The following CCDC112 variants were observed in gnomAD, a reference collection of about 807,000 sequenced individuals.
CCDC112 encodes the protein coiled-coil domain-containing protein 112.
CCDC112 carries 40 observed loss-of-function variants against 66.3 expected under a neutral mutation model. That is an observed-to-expected ratio of 0.60 (90% CI 0.47 to 0.79). The LOEUF is 0.79. CCDC112 is among the 30% of genes least tolerant of loss of function. The pLI is 0.00. For missense variants in CCDC112, 659 were observed against 603.8 expected (o/e 1.09, Z -0.96); for synonymous variants, 214 against 197.2 (o/e 1.09, Z -0.71).
intron 6 of CCDC112, among the ~76,000 whole-genome samples, chr5:115,272,520 T>C (rs1321757791): frequency 6.6e-6 from 1 of 152,218 alleles, no homozygotes; most frequent in Non-Finnish European, 1.5e-5. Flanking sequence ...AGTGTTGTTA[T>C]GAAGATTAAA....
At chr5:115,270,792 T>C (rs903676835) in intron 7 of CCDC112, among the ~76,000 whole-genome samples, 26 of 152,306 alleles carry the variant, frequency 1.7e-4, no homozygotes, top group African/African-American at 6.3e-4. Context: ...AATACTGAAG[T>C]GTTAATAGTC....
intron 8 of CCDC112, 93 bp downstream of exon 8, chr5:115,269,610 G>A: frequency 1.2e-6 from 1 of 818,932 alleles, no homozygotes. Flanking sequence ...ATAGAAATAA[G>A]GTGAGATATA....
chr5:115,283,406 T>C (rs1015880427), intron 2 of CCDC112, among the ~76,000 whole-genome samples: 1 of 152,136 alleles, frequency 6.6e-6, no homozygotes, highest in Non-Finnish European at 1.5e-5. Flanking sequence ...GTATGGCTTA[T>C]TTCACTTAAC....
chr5:115,271,759 G>T, intron 6 of CCDC112, 133 bp from the exon 7 acceptor site: 2 of 619,618 alleles, frequency 3.2e-6, no homozygotes, highest in Non-Finnish European at 5.0e-6. Context: ...AGGTTTTTCA[G>T]CTTTGTTTTA....
chr5:115,276,058 G>C lies in CCDC112; in HGVS notation c.463C>G (p.Leu155Val). The change falls in exon 5 of 10, where the codon CTC becomes GTC. Residue 155 changes from leucine to valine, a missense_variant. Physicochemically the swap from Leu to Val is conservative, Grantham distance 32 (BLOSUM62 1). Coordinates refer to ENST00000379611, the MANE Select transcript of CCDC112 (RefSeq NM_001040440.3). ...VKPTPDFVEK[L>V]REMMEEIENA... ...TCAATTTCTTCCATCATTTCTCTGA[G>C]CTTCTCAACAACTGTAAAAGAAACA... 6.2e-7 allele frequency: 1 copy of C among 1,603,348 alleles called. No homozygotes were observed. The highest frequency in any genetic ancestry group is 8.5e-7 in the Non-Finnish European group (1 of 1,174,870).
intron 1 of CCDC112, among the ~76,000 whole-genome samples, chr5:115,292,077 T>C (rs990542501): frequency 2.5e-4 from 38 of 152,198 alleles, no homozygotes; most frequent in African/African-American, 9.2e-4. Flanking sequence ...TCTTCAAATA[T>C]CGGTTTTCCT....
intron 1 of CCDC112, among the ~76,000 whole-genome samples, chr5:115,292,000 G>C (rs781743183): frequency 2.0e-5 from 3 of 152,136 alleles, no homozygotes; most frequent in Non-Finnish European, 4.4e-5. Context: ...ATTCTACTTA[G>C]AGTTCATTGA....
chr5:115,285,851 C>T (rs930415615), intron 1 of CCDC112, among the ~76,000 whole-genome samples: 1 of 151,942 alleles, frequency 6.6e-6, no homozygotes, highest in Admixed American at 6.6e-5. Flanking sequence ...CAAGGAATGA[C>T]AGTGTCCAGG....
Position 115,271,275 on chromosome 5 carries a change from T to G in CCDC112, c.1270A>C (p.Lys424Gln). The change falls in exon 7 of 10, where the codon AAG becomes CAG. Residue 424 changes from lysine to glutamine, a missense_variant. Transcript: ENST00000379611. Reference protein sequence around the residue: ...FLRLEKEIREKAEKAEKRKNA... With the variant: ...FLRLEKEIREQAEKAEKRKNA... ...TTCCTTTTTTCTGCCTTTTCTGCCT[T>G]TTCCCTTATCTCCTTTTCAAGCCTC... 1 of 1,602,658 alleles carries G rather than the reference T, an allele frequency of 6.2e-7. No homozygotes were observed. Among genetic ancestry groups the G allele is most frequent in the Non-Finnish European group, 8.5e-7 (1 of 1,177,388 alleles).
chr5:115,268,004 A>G lies in CCDC112; in HGVS notation c.1548-86T>C, dbSNP rs570132912. The G allele has an allele frequency of 2.5e-4, 249 of 1,009,134 alleles. 3 individuals carry two copies. In the South Asian group the frequency reaches 3.2e-3, roughly 13 times the overall value. The allele number at this position is 1,009,134 out of a possible 1,614,324, so 62.5% of individuals were successfully genotyped here. On this transcript the variant is annotated intron_variant, in intron 9 of 9. Coordinates refer to ENST00000379611, the MANE Select transcript of CCDC112 (RefSeq NM_001040440.3). The stretch of plus-strand genomic sequence containing the variant: ...TATCTGATTAAGTGCTAACTTTAAA[A>G]TATATATATAACCTACCCTGCATGT...
Position 115,275,417 on chromosome 5 carries a change from G to T in CCDC112, c.717C>A (p.Phe239Leu). ...LPEEVLDFEKFLQQTGGRQGA... is the reference protein window; with the variant it reads ...LPEEVLDFEKLLQQTGGRQGA... ...CTTGTCGCCCTCCTGTTTGCTGAAG[G>T]AATTTTTCAAAATCTAGTACCTCTT... Residue 239 changes from phenylalanine to leucine, a missense_variant, in exon 6 of 10, where the codon TTC becomes TTA. Phe to Leu is a conservative substitution (Grantham distance 22, BLOSUM62 0). Coordinates refer to ENST00000379611, the MANE Select transcript of CCDC112 (RefSeq NM_001040440.3). 3 of 1,613,918 alleles carry T rather than the reference G, an allele frequency of 1.9e-6. No homozygotes were observed.
intron 1 of CCDC112, among the ~76,000 whole-genome samples, chr5:115,293,505 C>T (rs1750022159): frequency 6.6e-6 from 1 of 152,162 alleles, no homozygotes; most frequent in South Asian, 2.1e-4. Flanking sequence ...TACATTCATT[C>T]TGGAAGCTTC....
intron 1 of CCDC112, chr5:115,288,908 T>G (rs1372778523): frequency 2.2e-6 from 1 of 447,968 alleles, no homozygotes; most frequent in East Asian, 7.0e-5. Context: ...TACAAGATAG[T>G]TGATAAAAAT....
intron 3 of CCDC112, among the ~76,000 whole-genome samples, chr5:115,278,192 T>C (rs1749290690): frequency 6.6e-6 from 1 of 152,190 alleles, no homozygotes; most frequent in African/African-American, 2.4e-5. Flanking sequence ...TGTTGCTTCA[T>C]TTTAGCCTTA....
chr5:115,275,183 C>T (rs1749151048), intron 6 of CCDC112, 33 bp downstream of exon 6: 2 of 1,502,012 alleles, frequency 1.3e-6, no homozygotes, highest in Non-Finnish European at 9.0e-7. Flanking sequence ...AACATAGAAA[C>T]ACAGAATGAA....
chr5:115,282,068 G>A (rs1456492636), intron 2 of CCDC112, among the ~76,000 whole-genome samples: 1 of 152,088 alleles, frequency 6.6e-6, no homozygotes, highest in Non-Finnish European at 1.5e-5. Flanking sequence ...TTGCAGCACT[G>A]TTTGTTATTA....
At chr5:115,283,669 T>C (rs796793225) in intron 2 of CCDC112, among the ~76,000 whole-genome samples, 6 of 152,248 alleles carry the variant, frequency 3.9e-5, no homozygotes, top group African/African-American at 1.4e-4. Flanking sequence ...AAGGAGAATT[T>C]AGTCTCCAAA....
chr5:115,275,804 T>C (rs532074727), intron 5 of CCDC112, among the ~76,000 whole-genome samples, 190 bp downstream of exon 5: 1 of 152,242 alleles, frequency 6.6e-6, no homozygotes, highest in Admixed American at 6.5e-5. Flanking sequence ...TTATAGTAAC[T>C]AAATATGAAT....
chr5:115,290,691 T>A (rs1749883828), intron 1 of CCDC112, among the ~76,000 whole-genome samples: 1 of 152,186 alleles, frequency 6.6e-6, no homozygotes. Flanking sequence ...GAATAAGTTT[T>A]ATGCTTCTTT....
Sources: gnomAD v4.1 joint callset for allele counts (sites outside exome capture counted in the v4.1 genomes callset) on GRCh38, gnomAD v4.1.1 for gene constraint, MANE v1.5 for transcripts, NCBI Gene and HGNC (gene_info 2026-07-23, HGNC 2026-07-21) for gene names.